Variants in NBAS observed in about 807,000 individuals in gnomAD.
NBAS encodes NBAS subunit of NRZ tethering complex.
NBAS carries 219 observed loss-of-function variants against 302.5 expected under a neutral mutation model. The ratio of observed to expected loss-of-function variants is 0.72; its 90% CI spans 0.65 to 0.81. The LOEUF is 0.81. Among genes scored for constraint, NBAS ranks in the 30% least tolerant of loss-of-function variants. The pLI, the probability that NBAS is intolerant of heterozygous loss-of-function variation, is 0.00. For synonymous variants in NBAS, 1,118 were observed against 1,021.6 expected, an observed-to-expected ratio of 1.09 and a Z score of -1.80; for missense variants, 2,932 against 2,841.6, an observed-to-expected ratio of 1.03 and a Z score of -0.72.
intron 44 of NBAS, among the ~76,000 whole-genome samples, chr2:15,269,147 C>T (rs1669205258): frequency 6.6e-6 from 1 of 152,106 alleles, no homozygotes. Context: ...CAGTGACAGC[C>T]ACTGGACACT....
intron 48 of NBAS, among the ~76,000 whole-genome samples, chr2:15,191,246 A>G (rs1665341348): frequency 6.6e-6 from 1 of 152,226 alleles, no homozygotes. Context: ...GATAATGAGA[A>G]TGAATGGTTA....
intron 12 of NBAS, among the ~76,000 whole-genome samples, chr2:15,487,651 TG>T (rs1680688362): frequency 6.6e-6 from 1 of 152,204 alleles, no homozygotes; most frequent in Non-Finnish European, 1.5e-5. Flanking sequence ...AACAGCCAAG[TG>T]GAAGTTCTGC....
chr2:15,181,924 C>T (rs1277054497), intron 50 of NBAS, among the ~76,000 whole-genome samples: 1 of 152,242 alleles, frequency 6.6e-6, no homozygotes, highest in African/African-American at 2.4e-5. Flanking sequence ...TTATCACATG[C>T]CCCAGGCATT....
At chr2:15,402,399 A>G (rs1359022635) in intron 25 of NBAS, 98 bp from the exon 26 acceptor site, 3 of 1,134,708 alleles carry the variant, frequency 2.6e-6, no homozygotes, top group Non-Finnish European at 3.9e-6. Context: ...AAATAGCACA[A>G]TTAATCAACT....
chr2:15,186,980 A>T (rs1665120006), intron 49 of NBAS, 100 bp from the exon 50 acceptor site: 1 of 1,520,164 alleles, frequency 6.6e-7, no homozygotes, highest in Non-Finnish European at 9.1e-7. Context: ...GTAAATTACA[A>T]TCAGAATCTA....
the NBAS span, among the ~76,000 whole-genome samples, chr2:15,069,127 C>A: frequency 6.6e-6 from 1 of 152,224 alleles, no homozygotes; most frequent in African/African-American, 2.4e-5. Flanking sequence ...CTCTCAAATG[C>A]ACCACCTTTC....
chr2:15,426,876 G>C (rs1677505312), intron 22 of NBAS, among the ~76,000 whole-genome samples: 1 of 152,042 alleles, frequency 6.6e-6, no homozygotes, highest in Admixed American at 6.6e-5. Flanking sequence ...ACTAACTTTT[G>C]AGGGCCATAT....
At chr2:15,090,225 T>G in the NBAS span, among the ~76,000 whole-genome samples, 1 of 152,188 alleles carries the variant, frequency 6.6e-6, no homozygotes, top group South Asian at 2.1e-4. Flanking sequence ...AAAAAGGTTG[T>G]GAGAGTCACT....
chr2:15,288,605 T>C (rs1370570336), intron 41 of NBAS, among the ~76,000 whole-genome samples: 1 of 152,180 alleles, frequency 6.6e-6, no homozygotes, highest in Non-Finnish European at 1.5e-5. Flanking sequence ...TCTCTAGGCA[T>C]ATAAAGAGTT....
the NBAS span, among the ~76,000 whole-genome samples, chr2:14,997,874 G>A: frequency 1.3e-5 from 2 of 152,150 alleles, no homozygotes; most frequent in African/African-American, 4.8e-5. Flanking sequence ...CTGGCTTCCA[G>A]GCAATCACAG....
At chr2:14,846,528 T>C in the NBAS span, among the ~76,000 whole-genome samples, 1 of 144,790 alleles carries the variant, frequency 6.9e-6, no homozygotes, top group South Asian at 2.1e-4. Flanking sequence ...CAAAAAACTA[T>C]ATAATATGAT....
At chr2:15,151,845 TTTTTA>T in the NBAS span, among the ~76,000 whole-genome samples, 2 of 152,036 alleles carry the variant, frequency 1.3e-5, no homozygotes, top group South Asian at 4.2e-4. Flanking sequence ...TCAAGAGTCT[TTTTTA>T]TTTTTTATTT....
chr2:15,356,015 G>C (rs1673599552), intron 33 of NBAS, among the ~76,000 whole-genome samples: 1 of 152,076 alleles, frequency 6.6e-6, no homozygotes, highest in Admixed American at 6.6e-5. Context: ...TACAGGAAAT[G>C]GCATTGAAAT....
chr2:14,799,586 A>G, the NBAS span, among the ~76,000 whole-genome samples: 1,019 of 152,232 alleles, frequency 6.7e-3, 3 homozygotes, highest in Admixed American at 9.2e-3. Flanking sequence ...CTGGCTGATA[A>G]TATTGCTTAA....
the NBAS span, among the ~76,000 whole-genome samples, chr2:14,896,830 T>C: frequency 6.6e-6 from 1 of 152,200 alleles, no homozygotes; most frequent in Non-Finnish European, 1.5e-5. Flanking sequence ...TACCATAATG[T>C]CTCTGTTGAT....
At chr2:14,967,139 T>C in the NBAS span, among the ~76,000 whole-genome samples, 4 of 152,178 alleles carry the variant, frequency 2.6e-5, no homozygotes. Context: ...CACTGAGATA[T>C]ATTTAAGAAG....
chr2:15,477,468 C>T (rs530876157), intron 13 of NBAS, among the ~76,000 whole-genome samples: 217 of 152,248 alleles, frequency 1.4e-3, no homozygotes, highest in African/African-American at 5.0e-3. Context: ...ACCATGTTGG[C>T]CAGGCTGGTC....
Position 15,558,934 on chromosome 2 carries a change from C to T in NBAS, c.118-300G>A, listed in dbSNP as rs185148283. On this transcript the variant is annotated intron_variant, in intron 1 of 51. Transcript: ENST00000281513. ...AAATACAAAAATTGGCCAGGCATGG[C>T]GGTGCATGCCTATAGTCCCAGCTAC... 4.9e-4 allele frequency among the ~76,000 whole-genome samples: 75 copies of T among 151,662 alleles called. 1 individual carries two copies. Among genetic ancestry groups the T allele is most frequent in the African/African-American group, 1.7e-3 (72 of 41,366 alleles).
At chr2:15,342,836 A>G (rs1186943049) in intron 35 of NBAS, among the ~76,000 whole-genome samples, 1 of 151,982 alleles carries the variant, frequency 6.6e-6, no homozygotes, top group Non-Finnish European at 1.5e-5. Context: ...AATATCCCTT[A>G]TTTCCCTATA....
Sources: allele counts gnomAD v4.1 joint callset (sites outside exome capture counted in the v4.1 genomes callset), GRCh38; gene constraint gnomAD v4.1.1; transcripts MANE v1.5; gene names NCBI Gene and HGNC (gene_info 2026-07-23, HGNC 2026-07-21).